Variants in KHDRBS2 observed in about 807,000 individuals in gnomAD.
KHDRBS2 encodes the protein KH RNA binding domain containing, signal transduction associated 2, also known as KH domain-containing, RNA-binding, signal transduction-associated protein 2.
Under a neutral mutation model 44.3 loss-of-function variants are expected in KHDRBS2, and 26 were observed. That is an observed-to-expected ratio of 0.59 (90% CI 0.43 to 0.81). The LOEUF is 0.81. KHDRBS2 is among the 40% of genes least tolerant of loss of function. The pLI, the probability that KHDRBS2 is intolerant of heterozygous loss-of-function variation, is 0.00. For synonymous variants in KHDRBS2, 194 were observed against 151.1 expected (o/e 1.28, Z -2.08); for missense variants, 476 against 433.1 (o/e 1.10, Z -0.88).
intron 6 of KHDRBS2, among the ~76,000 whole-genome samples, chr6:61,741,806 C>T (rs910598976): frequency 2.6e-5 from 4 of 151,892 alleles, no homozygotes; most frequent in Non-Finnish European, 4.4e-5. Flanking sequence ...AGAAGAAAAT[C>T]ATTTAGAAAT....
At chr6:61,607,108 AAGTT>A in the KHDRBS2 span, among the ~76,000 whole-genome samples, 1,979 of 152,166 alleles carry the variant, frequency 0.013, 47 homozygotes, top group African/African-American at 0.045. Context: ...TTTTTGGAAA[AAGTT>A]AGTTACAACA....
chr6:61,979,990 C>A (rs1237559779), intron 3 of KHDRBS2, among the ~76,000 whole-genome samples: 1 of 152,070 alleles, frequency 6.6e-6, no homozygotes, highest in African/African-American at 2.4e-5. Flanking sequence ...ATTTTCAACT[C>A]TATTAAGCAA....
chr6:61,602,195 T>C, the KHDRBS2 span, among the ~76,000 whole-genome samples: 1 of 152,186 alleles, frequency 6.6e-6, no homozygotes. Context: ...TAACCTAGCC[T>C]TCAAGATGTA....
chr6:62,263,872 A>G (rs1838762453), intron 1 of KHDRBS2, among the ~76,000 whole-genome samples: 1 of 151,772 alleles, frequency 6.6e-6, no homozygotes, highest in Non-Finnish European at 1.5e-5. Context: ...TTTTGTGCAA[A>G]TCAGAAAATG....
chr6:61,725,435 A>G (rs1351290045), intron 7 of KHDRBS2, among the ~76,000 whole-genome samples: 2 of 152,134 alleles, frequency 1.3e-5, no homozygotes, highest in Admixed American at 6.6e-5. Context: ...AGACAGGAAT[A>G]ACCCAGATCA....
At chr6:62,054,784 C>T (rs531581840) in intron 2 of KHDRBS2, among the ~76,000 whole-genome samples, 1 of 152,064 alleles carries the variant, frequency 6.6e-6, no homozygotes, top group East Asian at 2.0e-4. Flanking sequence ...ATTTCAGCTT[C>T]AAAGAAATCA....
chr6:61,941,447 C>T (rs1304113784), intron 4 of KHDRBS2, among the ~76,000 whole-genome samples: 1 of 152,046 alleles, frequency 6.6e-6, no homozygotes, highest in African/African-American at 2.4e-5. Flanking sequence ...CACCCAGAGG[C>T]CTAAGAATAG....
chr6:61,658,247 C>T, the KHDRBS2 span, among the ~76,000 whole-genome samples: 1 of 151,726 alleles, frequency 6.6e-6, no homozygotes, highest in East Asian at 1.9e-4. Flanking sequence ...TTCATATAGC[C>T]ATATCACAGA....
At chr6:62,169,408 A>T (rs1610007) in intron 2 of KHDRBS2, among the ~76,000 whole-genome samples, 44,221 of 151,526 alleles carry the variant, frequency 0.29, 7,854 homozygotes, top group Middle Eastern at 0.44. Flanking sequence ...ATAATTGGAA[A>T]TTGGGTCAAA....
At chr6:61,586,107 A>G in the KHDRBS2 span, among the ~76,000 whole-genome samples, 2 of 152,326 alleles carry the variant, frequency 1.3e-5, no homozygotes, top group East Asian at 3.9e-4. Context: ...AAGCCTTGCC[A>G]TAAGACACCA....
At chr6:61,749,139 A>T (rs1391342728) in intron 6 of KHDRBS2, among the ~76,000 whole-genome samples, 3 of 150,364 alleles carry the variant, frequency 2.0e-5, no homozygotes, top group Non-Finnish European at 3.0e-5. Flanking sequence ...CAGCCTCCCG[A>T]GTAGCTGGGA....
At chr6:61,896,972 C>T (rs1226674801) in intron 5 of KHDRBS2, among the ~76,000 whole-genome samples, 1 of 152,172 alleles carries the variant, frequency 6.6e-6, no homozygotes, top group Non-Finnish European at 1.5e-5. Flanking sequence ...TCGTTATCCT[C>T]CTTCACTGGC....
chr6:61,805,009 T>C (rs1280061485), intron 6 of KHDRBS2, among the ~76,000 whole-genome samples: 1 of 152,234 alleles, frequency 6.6e-6, no homozygotes, highest in East Asian at 1.9e-4. Flanking sequence ...TTTTCTTTTC[T>C]ATTGCATCAT....
chr6:62,014,186 T>C (rs1780793572), intron 3 of KHDRBS2, among the ~76,000 whole-genome samples: 1 of 152,208 alleles, frequency 6.6e-6, no homozygotes, highest in Non-Finnish European at 1.5e-5. Context: ...TTAGGTGGTA[T>C]ATCTACTCTC....
intron 4 of KHDRBS2, among the ~76,000 whole-genome samples, chr6:61,957,981 A>G (rs1446034898): frequency 4.6e-5 from 7 of 152,164 alleles, no homozygotes; most frequent in Admixed American, 3.9e-4. Context: ...ACTTAGGGAA[A>G]ATAGAAAAGA....
chr6:62,102,406 C>A (rs2127374626), intron 2 of KHDRBS2, among the ~76,000 whole-genome samples: 1 of 152,228 alleles, frequency 6.6e-6, no homozygotes, highest in East Asian at 1.9e-4. Context: ...TTCAATGGCA[C>A]CCAAAACCTC....
At chr6:62,060,554 C>A in intron 2 of KHDRBS2, among the ~76,000 whole-genome samples, 1 of 151,518 alleles carries the variant, frequency 6.6e-6, no homozygotes, top group East Asian at 2.0e-4. Context: ...TACTTAATCT[C>A]ATAATTTGTA....
intron 1 of KHDRBS2, among the ~76,000 whole-genome samples, chr6:62,233,025 T>A (rs1368346683): frequency 2.6e-5 from 4 of 152,114 alleles, no homozygotes; most frequent in Non-Finnish European, 5.9e-5. Flanking sequence ...AGTCCTTTCA[T>A]TTAGCCTCAC....
intron 2 of KHDRBS2, among the ~76,000 whole-genome samples, chr6:62,104,753 T>C (rs1408627930): frequency 2.0e-5 from 3 of 151,734 alleles, no homozygotes; most frequent in South Asian, 2.1e-4. Context: ...AAAGAACAAA[T>C]TAAATATTAT....
Sources: allele counts gnomAD v4.1 joint callset (sites outside exome capture counted in the v4.1 genomes callset), GRCh38; gene constraint gnomAD v4.1.1; transcripts MANE v1.5; gene names NCBI Gene and HGNC (gene_info 2026-07-23, HGNC 2026-07-21).